TRA2A: variants seen among roughly 807,000 people sequenced by gnomAD.
The protein encoded by TRA2A is transformer 2 alpha homolog.
A neutral mutation model predicts 45.7 loss-of-function variants in TRA2A; 31 were observed. The observed-to-expected ratio is 0.68, with a 90% confidence interval of 0.51 to 0.92. The LOEUF (loss-of-function observed/expected upper bound fraction) is 0.92, where lower values mean the gene tolerates loss of function less well. TRA2A is among the 40% of genes least tolerant of loss of function. The pLI is 0.00. For missense variants in TRA2A, 304 were observed against 367.5 expected (o/e 0.83, Z 1.41); for synonymous variants, 132 against 126.2 (o/e 1.05, Z -0.31).
rs1789285279 is a variant in TRA2A, at chr7:23,505,565, GCGTCCT to G, written c.839-2_842del. The stretch of plus-strand genomic sequence containing the variant: ...AATTGCAACCATTCCGTTATCAATA[GCGTCCT>G]AAAAGAGAAAAAGCAAAAAAAAAAA... On this transcript the variant is annotated splice_acceptor_variant and coding_sequence_variant, in exon 8 of 8. Coordinates refer to ENST00000297071, the MANE Select transcript of TRA2A (RefSeq NM_013293.5). LOFTEE classifies it high-confidence loss of function. The G allele has an allele frequency of 4.7e-6, 2 of 421,778 alleles. No individual in the cohort carries two copies. The highest frequency in any genetic ancestry group is 3.3e-5 in the African/African-American group (1 of 30,196). 26.1% of individuals were successfully genotyped at this position (421,778 alleles called of 1,614,324 possible). A position where few individuals can be genotyped will look rare whatever the true frequency, so the allele number is the denominator to read the frequency against.
At position 23,519,412 on chromosome 7, in the gene TRA2A, C is replaced by G. The variant is rs1204041755; in HGVS notation, c.170+2295G>C. 3.3e-5 allele frequency among the ~76,000 whole-genome samples: 5 copies of G among 152,070 alleles called. No homozygotes were observed. In the East Asian group the frequency reaches 9.7e-4, roughly 29 times the overall value. ...AAAAAGACTAATGACCCACCCTTAA[C>G]TAAACTGACACAGACCAGCAGTGAT... is the stretch of plus-strand genomic sequence containing the variant. On this transcript the variant is annotated intron_variant, in intron 2 of 7. Transcript: ENST00000297071.
Position 23,506,221 on chromosome 7 carries a change from A to G in TRA2A, c.687T>C (p.Gly229=), listed in dbSNP as rs779459316. 65 of 1,611,588 alleles carry G rather than the reference A, an allele frequency of 4.0e-5. No homozygotes were observed. The Admixed American group carries it at 1.1e-3, about 27-fold the overall frequency. ...GGGGGGGGGG[G]GGRRRDSYYD... ...AGTAAGAATCTCGACGTCTGCCACC[A>G]CCTCCACCTCCACCGCCGCCGCCTC... The change falls in exon 6 of 8, where the codon GGT becomes GGC. Residue 229 remains glycine (G), a synonymous_variant. Coordinates refer to ENST00000297071, the MANE Select transcript of TRA2A (RefSeq NM_013293.5).
At chr7:23,513,247 C>T (rs748147948) in intron 3 of TRA2A, among the ~76,000 whole-genome samples, 165 bp from the exon 4 acceptor site, 2 of 152,286 alleles carry the variant, frequency 1.3e-5, no homozygotes, top group Non-Finnish European at 1.5e-5. Context: ...CCATATTTTA[C>T]AATTCACAGT....
chr7:23,517,021 T>A (rs936497946), intron 2 of TRA2A, among the ~76,000 whole-genome samples: 3 of 150,434 alleles, frequency 2.0e-5, no homozygotes, highest in African/African-American at 7.3e-5. Context: ...GGCAGGAGAA[T>A]CGCTTGAACC....
chr7:23,527,357 A>C (rs1422330091), intron 1 of TRA2A, among the ~76,000 whole-genome samples: 2 of 152,148 alleles, frequency 1.3e-5, no homozygotes, highest in East Asian at 3.9e-4. Flanking sequence ...ACTTTTCTTC[A>C]GTGTATACAA....
chr7:23,522,342 G>T, intron 1 of TRA2A: 8 of 1,225,260 alleles, frequency 6.5e-6, no homozygotes, highest in South Asian at 4.6e-5. Context: ...TTAATTTTCT[G>T]ATCTTTAATA....
chr7:23,507,372 T>G, intron 5 of TRA2A, 48 bp downstream of exon 5: 3 of 1,500,894 alleles, frequency 2.0e-6, no homozygotes, highest in Admixed American at 1.8e-5. Context: ...ATTTTGCACA[T>G]ATTTCTGGTG....
At chr7:23,531,315 G>C in intron 1 of TRA2A, 1 of 921,942 alleles carries the variant, frequency 1.1e-6, no homozygotes, top group Non-Finnish European at 1.3e-6. Context: ...CTAGTCCCAC[G>C]CCAGCTTCTC....
intron 4 of TRA2A, among the ~76,000 whole-genome samples, chr7:23,510,702 AT>A (rs1382635146): frequency 6.6e-6 from 1 of 152,212 alleles, no homozygotes; most frequent in East Asian, 1.9e-4. Flanking sequence ...ACATTAAAAA[AT>A]ATTAATAATA....
At chr7:23,513,226 G>T (rs185092273) in intron 3 of TRA2A, 144 bp from the exon 4 acceptor site, 9 of 622,176 alleles carry the variant, frequency 1.4e-5, no homozygotes, top group Non-Finnish European at 2.4e-5. Flanking sequence ...AAGAGAACTA[G>T]AGCAGATGAG....
intron 1 of TRA2A, among the ~76,000 whole-genome samples, chr7:23,530,652 C>T (rs1221381253): frequency 6.6e-6 from 1 of 152,218 alleles, no homozygotes; most frequent in Non-Finnish European, 1.5e-5. Context: ...ATGAAACTCA[C>T]TGACAAACGT....
chr7:23,505,938 C>G, intron 6 of TRA2A, 125 bp from the exon 7 acceptor site: 1 of 699,898 alleles, frequency 1.4e-6, no homozygotes, highest in Non-Finnish European at 2.3e-6. Context: ...ATATTAAGTT[C>G]TCTTTCTGCC....
chr7:23,510,295 G>A (rs1485223027), intron 4 of TRA2A, among the ~76,000 whole-genome samples: 4 of 152,086 alleles, frequency 2.6e-5, no homozygotes, highest in African/African-American at 9.7e-5. Flanking sequence ...CTAAGTAACT[G>A]CTCCTGTCTT....
intron 4 of TRA2A, among the ~76,000 whole-genome samples, chr7:23,511,143 G>A (rs988592284): frequency 2.0e-5 from 3 of 151,830 alleles, no homozygotes; most frequent in Non-Finnish European, 4.4e-5. Flanking sequence ...AGGCTGAGGC[G>A]GGTGGATCAC....
chr7:23,524,665 C>T (rs1023991065), intron 1 of TRA2A, among the ~76,000 whole-genome samples: 2 of 150,180 alleles, frequency 1.3e-5, no homozygotes, highest in African/African-American at 2.5e-5. Context: ...TAACTCCTAG[C>T]TACAAAGTTG....
At chr7:23,514,277 A>T (rs1205751653) in intron 3 of TRA2A, among the ~76,000 whole-genome samples, 1 of 152,064 alleles carries the variant, frequency 6.6e-6, no homozygotes. Context: ...CATGTTGGTC[A>T]GCCTGGTCTC....
chr7:23,522,556 TA>T (rs35027244), intron 1 of TRA2A: 48,651 of 134,412 alleles, frequency 0.36, 7,661 homozygotes, highest in South Asian at 0.43. Flanking sequence ...CTAGTTTATT[TA>T]AAAAAAAAAA....
intron 1 of TRA2A, among the ~76,000 whole-genome samples, chr7:23,522,885 T>C (rs1035224470): frequency 6.6e-6 from 1 of 152,138 alleles, no homozygotes; most frequent in Non-Finnish European, 1.5e-5. Flanking sequence ...TGTACACACC[T>C]ATCTAAACTC....
chr7:23,520,656 G>A (rs898706382), intron 2 of TRA2A, among the ~76,000 whole-genome samples: 1 of 149,978 alleles, frequency 6.7e-6, no homozygotes, highest in Non-Finnish European at 1.5e-5. Flanking sequence ...TGACAAGGAC[G>A]TAAGCTAACT....
Sources: allele counts gnomAD v4.1 joint callset (sites outside exome capture counted in the v4.1 genomes callset), GRCh38; gene constraint gnomAD v4.1.1; transcripts MANE v1.5; gene names NCBI Gene and HGNC (gene_info 2026-07-23, HGNC 2026-07-21).